The following DPP10 variants were observed in gnomAD, a reference collection of about 807,000 sequenced individuals.
DPP10 encodes inactive dipeptidyl peptidase 10.
DPP10 carries 33 observed loss-of-function variants against 120.9 expected under a neutral mutation model. The ratio of observed to expected loss-of-function variants is 0.27; its 90% CI spans 0.21 to 0.37. DPP10 has a LOEUF of 0.37. Ranked by LOEUF, DPP10 falls within the 10% of genes least tolerant of loss-of-function variation. DPP10 has a pLI of 1.00. For synonymous variants in DPP10, 337 were observed against 326.1 expected (o/e 1.03, Z -0.36); for missense variants, 816 against 942.8 (o/e 0.87, Z 1.76).
At chr2:115,769,760 T>A (rs1681234096) in intron 13 of DPP10, among the ~76,000 whole-genome samples, 1 of 152,024 alleles carries the variant, frequency 6.6e-6, no homozygotes. Context: ...GAACTTTTTT[T>A]ATGAAACTGA....
chr2:115,197,293 G>A (rs1268312200), intron 1 of DPP10, among the ~76,000 whole-genome samples: 1 of 151,992 alleles, frequency 6.6e-6, no homozygotes, highest in African/African-American at 2.4e-5. Flanking sequence ...TCAGGAGGCT[G>A]AGGCAGGAGA....
chr2:115,183,776 G>C (rs866837055), intron 1 of DPP10, among the ~76,000 whole-genome samples: 1 of 152,132 alleles, frequency 6.6e-6, no homozygotes, highest in African/African-American at 2.4e-5. Context: ...AGAAAATCTA[G>C]AGTGAGTTGA....
chr2:115,268,916 G>C (rs1414204981), intron 1 of DPP10, among the ~76,000 whole-genome samples: 1 of 58,898 alleles, frequency 1.7e-5, no homozygotes, highest in Non-Finnish European at 4.6e-5. Flanking sequence ...TTAGGAGGCC[G>C]AGGCGGCGGA....
At chr2:115,028,565 C>A (rs1451944192) in intron 1 of DPP10, among the ~76,000 whole-genome samples, 1 of 152,016 alleles carries the variant, frequency 6.6e-6, no homozygotes, top group African/African-American at 2.4e-5. Flanking sequence ...TATTCTGATA[C>A]AGTTGGGTGA....
At chr2:114,592,715 T>C (rs992766759) in intron 1 of DPP10, among the ~76,000 whole-genome samples, 1 of 151,992 alleles carries the variant, frequency 6.6e-6, no homozygotes, top group African/African-American at 2.4e-5. Context: ...TGAAAAATAA[T>C]CAAATACATT....
At chr2:115,689,582 G>C (rs1457539847) in intron 5 of DPP10, 105 bp from the exon 6 acceptor site, 1 of 769,266 alleles carries the variant, frequency 1.3e-6, no homozygotes, top group Non-Finnish European at 2.0e-6. Flanking sequence ...TTTCATTTCT[G>C]CCTAACACCA....
At chr2:114,808,533 C>T (rs1347249116) in intron 1 of DPP10, among the ~76,000 whole-genome samples, 5 of 150,002 alleles carry the variant, frequency 3.3e-5, no homozygotes, top group South Asian at 2.1e-4. Context: ...CTGAGATTTT[C>T]GGAATCTAAC....
Position 115,360,228 on chromosome 2 carries a change from G to A in DPP10, c.271+16316G>A, listed in dbSNP as rs577018725. Reference sequence around the variant, plus strand: ...GCACTGATTCCTTCTTATCTGAGACGGTTAGTGTTATTTTATCTTTCAGAA... The same window carrying A: ...GCACTGATTCCTTCTTATCTGAGACAGTTAGTGTTATTTTATCTTTCAGAA... On this transcript the variant is annotated intron_variant, in intron 3 of 25. Coordinates refer to ENST00000410059, the MANE Select transcript of DPP10 (RefSeq NM_020868.6). 6.6e-5 allele frequency among the ~76,000 whole-genome samples: 10 copies of A among 152,198 alleles called. No homozygotes were observed. The South Asian group carries it at 2.1e-3, about 32-fold the overall frequency.
At position 114,484,827 on chromosome 2, in the gene DPP10, A is replaced by G. The variant is rs1037469565; in HGVS notation, c.60+41989A>G. Reference sequence around the variant, plus strand: ...TAATATAAAAGGACTACAAAATAACATAGTTAACAATTCAAATGTCTTCAG... The same window carrying G: ...TAATATAAAAGGACTACAAAATAACGTAGTTAACAATTCAAATGTCTTCAG... On this transcript the variant is annotated intron_variant, in intron 1 of 25. Coordinates refer to ENST00000410059, the MANE Select transcript of DPP10 (RefSeq NM_020868.6). Among the ~76,000 whole-genome samples, 8 of 152,298 alleles carry G rather than the reference A, an allele frequency of 5.3e-5. No individual in the cohort carries two copies. In the South Asian group the frequency reaches 1.5e-3, roughly 28 times the overall value.
At chr2:115,741,251 T>G (rs773518950) in intron 9 of DPP10, among the ~76,000 whole-genome samples, 39 of 152,122 alleles carry the variant, frequency 2.6e-4, no homozygotes, top group Non-Finnish European at 4.6e-4. Context: ...AAGAGTATGA[T>G]TCCATGATTT....
chr2:114,598,567 T>A (rs1031984568), intron 1 of DPP10, among the ~76,000 whole-genome samples: 6 of 151,510 alleles, frequency 4.0e-5, no homozygotes, highest in African/African-American at 1.5e-4. Flanking sequence ...TGAGGAGGAG[T>A]GCCTGACAGG....
chr2:115,547,044 T>C (rs182578100), intron 5 of DPP10, among the ~76,000 whole-genome samples: 1 of 152,152 alleles, frequency 6.6e-6, no homozygotes, highest in African/African-American at 2.4e-5. Context: ...TAACTGATAT[T>C]TTTTTCCTTG....
At chr2:114,846,277 A>G (rs919792767) in intron 1 of DPP10, among the ~76,000 whole-genome samples, 3 of 152,192 alleles carry the variant, frequency 2.0e-5, no homozygotes, top group East Asian at 1.9e-4. Flanking sequence ...TGAAAAATCC[A>G]AATACCAAGC....
chr2:114,557,509 G>A (rs545615225), intron 1 of DPP10, among the ~76,000 whole-genome samples: 7 of 152,246 alleles, frequency 4.6e-5, no homozygotes, highest in South Asian at 4.1e-4. Flanking sequence ...GGATTTGTTC[G>A]TGCAATCCTC....
intron 5 of DPP10, among the ~76,000 whole-genome samples, chr2:115,650,179 C>G (rs1279588432): frequency 6.6e-6 from 1 of 152,062 alleles, no homozygotes; most frequent in African/African-American, 2.4e-5. Flanking sequence ...CTTAGGCACA[C>G]AGAATTTCAA....
chr2:114,552,544 T>C (rs1687965590), intron 1 of DPP10, among the ~76,000 whole-genome samples: 1 of 152,104 alleles, frequency 6.6e-6, no homozygotes, highest in Non-Finnish European at 1.5e-5. Context: ...CTTTTTTCTT[T>C]CTCTTTTTCT....
intron 1 of DPP10, among the ~76,000 whole-genome samples, chr2:114,708,132 A>G (rs186828562): frequency 1.2e-4 from 19 of 152,304 alleles, no homozygotes; most frequent in Admixed American, 1.1e-3. Flanking sequence ...ATTCAAGGAT[A>G]GGCAGCTAAA....
chr2:115,206,545 C>T (rs1416943450), intron 1 of DPP10, among the ~76,000 whole-genome samples: 1 of 152,076 alleles, frequency 6.6e-6, no homozygotes, highest in African/African-American at 2.4e-5. Context: ...TGCTTTTTTT[C>T]TCTTCCAAAG....
intron 1 of DPP10, among the ~76,000 whole-genome samples, chr2:115,243,575 ATGAT>A (rs2058385962): frequency 6.6e-6 from 1 of 152,166 alleles, no homozygotes; most frequent in Non-Finnish European, 1.5e-5. Context: ...ATAAAACAAA[ATGAT>A]TGAGTAGAAA....
Sources: allele counts gnomAD v4.1 joint callset (sites outside exome capture counted in the v4.1 genomes callset), GRCh38; gene constraint gnomAD v4.1.1; transcripts MANE v1.5; gene names NCBI Gene and HGNC (gene_info 2026-07-23, HGNC 2026-07-21).